The following ACTG2 variants were observed in gnomAD, a reference collection of about 807,000 sequenced individuals.
The protein encoded by ACTG2 is actin, gamma-enteric smooth muscle.
ACTG2 carries 16 observed loss-of-function variants against 37.6 expected under a neutral mutation model. The ratio of observed to expected loss-of-function variants is 0.43; its 90% CI spans 0.29 to 0.65. The LOEUF (loss-of-function observed/expected upper bound fraction) is 0.65, where lower values mean the gene tolerates loss of function less well. Ranked by LOEUF, ACTG2 falls within the 30% of genes least tolerant of loss-of-function variation. ACTG2 has a pLI of 0.18. For synonymous variants in ACTG2, 181 were observed against 179.9 expected (o/e 1.01, Z -0.05); for missense variants, 238 against 490.9 (o/e 0.48, Z 4.87).
At chr2:73,902,798 T>C in intron 3 of ACTG2, 1 of 1,536,972 alleles carries the variant, frequency 6.5e-7, no homozygotes, top group Middle Eastern at 1.7e-4. Flanking sequence ...TCCTCAGAAA[T>C]CTTCAGTAGC....
chr2:73,895,086 G>A (rs577130344), intron 1 of ACTG2, among the ~76,000 whole-genome samples: 1 of 152,162 alleles, frequency 6.6e-6, no homozygotes, highest in South Asian at 2.1e-4. Flanking sequence ...CGGCACCAGG[G>A]CATTGGGCAT....
At position 73,898,122 on chromosome 2, in the gene ACTG2, C is replaced by T. The variant is rs528984654; in HGVS notation, c.-36-3154C>T. On this transcript the variant is annotated intron_variant, in intron 1 of 8. Coordinates refer to ENST00000345517, the MANE Select transcript of ACTG2 (RefSeq NM_001615.4). ...ACACAGACCCTTTTGTTTTAGGGTG[C>T]TTGCTGCCAACCGCTCTGGAGAGAC... is the stretch of plus-strand genomic sequence containing the variant. 3.9e-5 allele frequency among the ~76,000 whole-genome samples: 6 copies of T among 151,988 alleles called. No homozygotes were observed. The South Asian group carries it at 1.0e-3, about 26-fold the overall frequency.
chr2:73,906,537 G>T lies in ACTG2; in HGVS notation c.256-2136G>T, dbSNP rs968448695. Among the ~76,000 whole-genome samples the T allele has an allele frequency of 2.6e-5, 4 of 152,194 alleles. No individual in the cohort carries two copies. The East Asian group carries it at 5.8e-4, about 22-fold the overall frequency. ...CCTCTGTCGCCCAGGCCGGAGTGCA[G>T]TGGTGCAGTCATAACTCACTGTGGT... is the stretch of plus-strand genomic sequence containing the variant. On this transcript the variant is annotated intron_variant, in intron 3 of 8. Transcript: ENST00000345517.
intron 2 of ACTG2, chr2:73,901,693 T>A: frequency 1.8e-6 from 1 of 552,348 alleles, no homozygotes; most frequent in Non-Finnish European, 2.8e-6. Context: ...AATAGAAATA[T>A]CCAGGGCCAA....
chr2:73,914,875 A>G lies in ACTG2; in HGVS notation c.805+4A>G, dbSNP rs1188664556. 3.8e-6 allele frequency: 6 copies of G among 1,570,948 alleles called. No individual in the cohort carries two copies. Among genetic ancestry groups the G allele is most frequent in the Non-Finnish European group, 5.2e-6 (6 of 1,152,194 alleles). ...CTCTTCCAGCCTTCCTTTATTGGTG[A>G]GGTGCTGCCCACAGTCCCTGCCAAT... is the stretch of plus-strand genomic sequence containing the variant. On this transcript the variant is annotated splice_donor_region_variant and intron_variant, in intron 7 of 8. Transcript: ENST00000345517.
At chr2:73,904,050 G>A (rs1187407803) in intron 3 of ACTG2, among the ~76,000 whole-genome samples, 1 of 150,860 alleles carries the variant, frequency 6.6e-6, no homozygotes, top group Non-Finnish European at 1.5e-5. Context: ...CTTGAGGCCA[G>A]CCTGGGCAAC....
Position 73,919,508 on chromosome 2 carries a change from A to AGCTGTG in ACTG2, c.1065_1066insCTGTGG (p.Gln355_Met356insLeuTrp). 6.2e-7 allele frequency: 1 copy of AGCTGTG among 1,614,152 alleles called. No homozygotes were observed. Among genetic ancestry groups the AGCTGTG allele is most frequent in the Non-Finnish European group, 8.5e-7 (1 of 1,180,002 alleles). ...CTGGCCTCTCTCTCCACCTTCCAGC[A>AGCTGTG]GATGTGGATCAGCAAGCCTGAGTAT... On this transcript the variant is annotated inframe_insertion, in exon 9 of 9. Transcript: ENST00000345517.
chr2:73,903,004 C>T, intron 3 of ACTG2: 1 of 448,862 alleles, frequency 2.2e-6, no homozygotes, highest in Non-Finnish European at 4.0e-6. Context: ...CAAGACTTCA[C>T]ATAGGTGGAC....
intron 6 of ACTG2, among the ~76,000 whole-genome samples, 171 bp from the exon 7 acceptor site, chr2:73,914,509 A>G (rs563630031): frequency 6.6e-6 from 1 of 151,550 alleles, no homozygotes; most frequent in Non-Finnish European, 1.5e-5. Flanking sequence ...CAGTGAGCCA[A>G]GATAGCACCA....
chr2:73,908,564 A>G, intron 3 of ACTG2, 109 bp from the exon 4 acceptor site: 1 of 939,340 alleles, frequency 1.1e-6, no homozygotes, highest in Non-Finnish European at 1.6e-6. Flanking sequence ...CTCCAGATCC[A>G]TCCCATCCTG....
intron 3 of ACTG2, chr2:73,902,792 C>G: frequency 6.5e-7 from 1 of 1,539,678 alleles, no homozygotes; most frequent in African/African-American, 1.4e-5. Context: ...CTCACCTCCT[C>G]AGAAATCTTC....
At chr2:73,897,490 C>T (rs1260761214) in intron 1 of ACTG2, among the ~76,000 whole-genome samples, 1 of 152,168 alleles carries the variant, frequency 6.6e-6, no homozygotes, top group Non-Finnish European at 1.5e-5. Flanking sequence ...GAGAAGACTG[C>T]CCATGTGATT....
chr2:73,919,283 G>T, intron 8 of ACTG2, 149 bp from the exon 9 acceptor site: 1 of 940,476 alleles, frequency 1.1e-6, no homozygotes, highest in East Asian at 2.5e-5. Flanking sequence ...GGGAAGTGAA[G>T]GTTTTGAGCA....
chr2:73,915,108 G>T (rs1348979597), intron 7 of ACTG2, among the ~76,000 whole-genome samples: 1 of 152,168 alleles, frequency 6.6e-6, no homozygotes, highest in African/African-American at 2.4e-5. Flanking sequence ...AATATAACAT[G>T]AAACTTAAGA....
rs1365698265 is a variant in ACTG2 at position 73,901,331 on chromosome 2, C to T, written c.20C>T (p.Thr7Ile). 1.2e-6 allele frequency: 2 copies of T among 1,610,896 alleles called. No homozygotes were observed. Among genetic ancestry groups the T allele is most frequent in the East Asian group, 2.2e-5 (1 of 44,760 alleles). The change falls in exon 2 of 9, where the codon ACC becomes ATC. Residue 7 changes from threonine (T) to isoleucine (I), a missense_variant. Physicochemically the swap from Thr to Ile is moderately conservative, Grantham distance 89. Transcript: ENST00000345517. ...CACACCATGTGTGAAGAGGAGACCA[C>T]CGCGCTCGTGTGTGACAATGGCTCT... is the stretch of plus-strand genomic sequence containing the variant. MCEEET[T>I]ALVCDNGSGL... is the part of the protein sequence containing the mutation.
Position 73,909,230 on chromosome 2 carries a change from A to C in ACTG2, c.451+91A>C, listed in dbSNP as rs57555161. ...CAGAGGCTCCTGCTCAGAAGAATCA[A>C]ATGGACAGCTGAAGTCCAGGCAAAA... On this transcript the variant is annotated intron_variant, in intron 5 of 8. Transcript: ENST00000345517. 5.0e-3 allele frequency: 6,102 copies of C among 1,211,848 alleles called. 222 individuals are homozygous for C. In the African/African-American group the frequency reaches 0.08, roughly 16 times the overall value. The allele number at this position is 1,211,848 out of a possible 1,614,324, so 75.1% of individuals were successfully genotyped here. A position where few individuals can be genotyped will look rare whatever the true frequency, so the allele number is the denominator to read the frequency against.
chr2:73,905,732 G>T (rs1163676765), intron 3 of ACTG2, among the ~76,000 whole-genome samples: 1 of 152,072 alleles, frequency 6.6e-6, no homozygotes, highest in African/African-American at 2.4e-5. Context: ...TCTTCCAATT[G>T]CTATGTTCTT....
At position 73,919,422 on chromosome 2, in the gene ACTG2, T is replaced by C. The variant is rs371773082; in HGVS notation, c.988-10T>C. 187 of 1,612,706 alleles carry C rather than the reference T, an allele frequency of 1.2e-4. No homozygotes were observed. The highest frequency in any genetic ancestry group is 1.5e-4 in the Non-Finnish European group (173 of 1,179,776). On this transcript the variant is annotated splice_polypyrimidine_tract_variant and intron_variant, in intron 8 of 8. Transcript: ENST00000345517. ...GACTGATCATGATTCACCACATTTG[T>C]TCTTTGCAGATTATTGCTCCCCCAG...
chr2:73,903,162 G>A (rs1013789413), intron 3 of ACTG2: 1 of 159,800 alleles, frequency 6.3e-6, no homozygotes, highest in African/African-American at 2.4e-5. Context: ...AATTATGTGT[G>A]CAAAATGTTA....
Sources: gnomAD v4.1 joint callset for allele counts (sites outside exome capture counted in the v4.1 genomes callset) on GRCh38, gnomAD v4.1.1 for gene constraint, MANE v1.5 for transcripts, NCBI Gene and HGNC (gene_info 2026-07-23, HGNC 2026-07-21) for gene names.